The following CACHD1 variants were observed in gnomAD, a reference collection of about 807,000 sequenced individuals.
CACHD1 encodes cache domain containing 1.
In CACHD1, 71 loss-of-function variants were observed where a neutral mutation model predicts 138.7. The ratio of observed to expected loss-of-function variants is 0.51; its 90% CI spans 0.42 to 0.62. The LOEUF is 0.62. CACHD1 is among the 20% of genes least tolerant of loss of function. CACHD1 has a pLI of 0.00. For missense variants in CACHD1, 1,389 were observed against 1,625.3 expected, an observed-to-expected ratio of 0.85 and a Z score of 2.50; for synonymous variants, 578 against 591.5, an observed-to-expected ratio of 0.98 and a Z score of 0.33.
chr1:64,627,331 C>A (rs995043757), intron 4 of CACHD1, among the ~76,000 whole-genome samples: 11 of 152,084 alleles, frequency 7.2e-5, no homozygotes, highest in African/African-American at 2.4e-4. Flanking sequence ...CACTTGAGCC[C>A]AGGAGATCAA....
rs541798923 is a variant in CACHD1 at position 64,616,547 on chromosome 1, G to A, written c.518-12808G>A. On this transcript the variant is annotated intron_variant, in intron 4 of 26. Transcript: ENST00000651257. ...ATTTTGGAATCTATAAAATATGCAT[G>A]CAGAATGGATCATTGTTTAAGAGGT... Among the ~76,000 whole-genome samples, 13 of 152,294 alleles carry A rather than the reference G, an allele frequency of 8.5e-5. 1 individual carries two copies. The South Asian group carries it at 2.5e-3, about 29-fold the overall frequency.
intron 22 of CACHD1, among the ~76,000 whole-genome samples, chr1:64,677,911 A>C (rs1290243252): frequency 6.6e-6 from 1 of 152,026 alleles, no homozygotes; most frequent in Non-Finnish European, 1.5e-5. Context: ...TGATGTGTGG[A>C]TGTCATTATT....
chr1:64,510,555 C>T (rs1253356706), intron 1 of CACHD1, among the ~76,000 whole-genome samples: 1 of 152,200 alleles, frequency 6.6e-6, no homozygotes, highest in Non-Finnish European at 1.5e-5. Flanking sequence ...GTAGCTTAAT[C>T]TCCTGGGCAA....
intron 3 of CACHD1, among the ~76,000 whole-genome samples, chr1:64,597,512 T>G (rs1333754004): frequency 7.4e-6 from 1 of 135,118 alleles, no homozygotes; most frequent in African/African-American, 2.7e-5. Flanking sequence ...AGAAGGAAGT[T>G]TTTTTTTTGT....
At chr1:64,479,862 T>C (rs1646198652) in intron 1 of CACHD1, among the ~76,000 whole-genome samples, 1 of 152,204 alleles carries the variant, frequency 6.6e-6, no homozygotes, top group South Asian at 2.1e-4. Flanking sequence ...TGTGCCCAAG[T>C]TCCTTGTATT....
intron 16 of CACHD1, among the ~76,000 whole-genome samples, chr1:64,667,312 T>G (rs1045000190): frequency 1.3e-5 from 2 of 152,234 alleles, no homozygotes; most frequent in African/African-American, 2.4e-5. Flanking sequence ...TCATTGTGTG[T>G]CAAATGATTG....
intron 1 of CACHD1, among the ~76,000 whole-genome samples, chr1:64,548,294 A>T (rs1646733063): frequency 6.6e-6 from 1 of 152,180 alleles, no homozygotes; most frequent in Non-Finnish European, 1.5e-5. Flanking sequence ...GATAGAACAG[A>T]TACTGTATCA....
At chr1:64,658,989 C>A in intron 13 of CACHD1, 116 bp downstream of exon 13, 1 of 884,560 alleles carries the variant, frequency 1.1e-6, no homozygotes, top group Admixed American at 3.2e-5. Context: ...GCAGAGTCAG[C>A]TGGTTTGGGG....
chr1:64,581,282 A>C (rs1647010644), intron 2 of CACHD1, among the ~76,000 whole-genome samples: 1 of 152,178 alleles, frequency 6.6e-6, no homozygotes, highest in African/African-American at 2.4e-5. Flanking sequence ...GACCCAAAGG[A>C]GATGATTAGT....
intron 3 of CACHD1, among the ~76,000 whole-genome samples, chr1:64,602,344 C>T (rs1320130113): frequency 3.3e-5 from 5 of 152,150 alleles, no homozygotes; most frequent in Non-Finnish European, 5.9e-5. Flanking sequence ...GGTTTCACAT[C>T]TAGACCATTC....
chr1:64,622,899 C>T lies in CACHD1; in HGVS notation c.518-6456C>T, dbSNP rs150076969. On this transcript the variant is annotated intron_variant, in intron 4 of 26. Transcript: ENST00000651257. ...ATAAACTTCACATGTTTAACATGTG[C>T]AGTTAGTAGATTTGGACATGTATAG... 3.8e-3 allele frequency among the ~76,000 whole-genome samples: 578 copies of T among 152,176 alleles called. 7 individuals are homozygous for T. Among genetic ancestry groups the T allele is most frequent in the South Asian group, 0.018 (87 of 4,818 alleles).
At chr1:64,499,419 C>G (rs1218418772) in intron 1 of CACHD1, among the ~76,000 whole-genome samples, 3 of 152,234 alleles carry the variant, frequency 2.0e-5, no homozygotes, top group Non-Finnish European at 4.4e-5. Flanking sequence ...AGAAAGGAGT[C>G]TGCCACACAC....
At chr1:64,675,834 C>A in intron 20 of CACHD1, 63 bp from the exon 21 acceptor site, 2 of 1,100,376 alleles carry the variant, frequency 1.8e-6, no homozygotes, top group Non-Finnish European at 2.6e-6. Flanking sequence ...GCTTCCCCAG[C>A]ACATGTACAA....
Position 64,673,201 on chromosome 1 carries a change from A to G in CACHD1, c.2554A>G (p.Thr852Ala). 6.2e-7 allele frequency: 1 copy of G among 1,613,584 alleles called. No homozygotes were observed. Reference protein sequence around the residue: ...EDRGYLVAHPTLIDPKGHAPV... With the variant: ...EDRGYLVAHPALIDPKGHAPV... ...CAGGGGTTATCTGGTGGCGCACCCGACTCTCATCGACCCCAAAGGACATGC... is the reference window on the plus strand; with the variant it reads ...CAGGGGTTATCTGGTGGCGCACCCGGCTCTCATCGACCCCAAAGGACATGC... Residue 852 changes from threonine (T) to alanine (A), a missense_variant, in exon 18 of 27, where the codon ACT (threonine) becomes GCT (alanine). Thr to Ala is a moderately conservative substitution (Grantham distance 58). This residue lies in a region of CACHD1 where 1,000 missense variants were observed against 1,114.7 expected (regional missense o/e 0.90). Transcript: ENST00000651257.
chr1:64,525,501 T>C (rs1016321639), intron 1 of CACHD1, among the ~76,000 whole-genome samples: 1 of 152,212 alleles, frequency 6.6e-6, no homozygotes, highest in Non-Finnish European at 1.5e-5. Flanking sequence ...CTTCTTATCC[T>C]GGCTTCTTTC....
Position 64,508,940 on chromosome 1 carries a change from G to C in CACHD1, c.198+37998G>C, listed in dbSNP as rs560793512. Among the ~76,000 whole-genome samples the C allele has an allele frequency of 3.3e-5, 5 of 152,178 alleles. No individual in the cohort carries two copies. The East Asian group carries it at 9.7e-4, about 29-fold the overall frequency. On this transcript the variant is annotated intron_variant, in intron 1 of 26. Transcript: ENST00000651257. ...TGTCTCCTGCCATTCCCCACCCCCA[G>C]GGTTCTTCTCTTTCTATGATTGGCT... is the stretch of plus-strand genomic sequence containing the variant.
intron 16 of CACHD1, among the ~76,000 whole-genome samples, chr1:64,667,170 C>A (rs765099780): frequency 1.3e-5 from 2 of 151,666 alleles, no homozygotes; most frequent in Non-Finnish European, 2.9e-5. Flanking sequence ...TTGTTTTAAT[C>A]CCTTCATTAT....
At chr1:64,584,372 T>C (rs901786396) in intron 3 of CACHD1, among the ~76,000 whole-genome samples, 1 of 152,156 alleles carries the variant, frequency 6.6e-6, no homozygotes, top group Non-Finnish European at 1.5e-5. Flanking sequence ...ATTGGGGATC[T>C]TCATAAATTC....
At chr1:64,576,345 G>T (rs1481968764) in intron 2 of CACHD1, among the ~76,000 whole-genome samples, 2 of 152,112 alleles carry the variant, frequency 1.3e-5, no homozygotes, top group East Asian at 3.9e-4. Flanking sequence ...TTTTGGAAGG[G>T]TCTACATTGG....
Sources: allele counts gnomAD v4.1 joint callset (sites outside exome capture counted in the v4.1 genomes callset), GRCh38; gene constraint gnomAD v4.1.1; regional missense constraint gnomAD v4.1.1; transcripts MANE v1.5; gene names NCBI Gene and HGNC (gene_info 2026-07-23, HGNC 2026-07-21).